Variants in CUBN observed in about 807,000 individuals in gnomAD.
CUBN encodes 460 kDa receptor.
A neutral mutation model predicts 405.3 loss-of-function variants in CUBN; 282 were observed. The ratio of observed to expected loss-of-function variants is 0.70; its 90% confidence interval spans 0.63 to 0.77. CUBN has a LOEUF of 0.77. Ranked by LOEUF, CUBN falls within the 30% of genes least tolerant of loss-of-function variation. The probability of loss-of-function intolerance (pLI) is 0.00; values close to 1 mark genes in which losing one functional copy is unlikely to be tolerated. For missense variants in CUBN, 4,514 were observed against 4,475.2 expected, an observed-to-expected ratio of 1.01 and a Z score of -0.25; for synonymous variants, 1,684 against 1,617.0, an observed-to-expected ratio of 1.04 and a Z score of -0.99.
rs558699402 is a variant in CUBN, at chr10:16,901,058, C to T, written c.8185-208G>A. 2.2e-4 allele frequency among the ~76,000 whole-genome samples: 33 copies of T among 152,168 alleles called. No individual in the cohort carries two copies. The South Asian group carries it at 6.0e-3, about 28-fold the overall frequency. On this transcript the variant is annotated intron_variant, in intron 52 of 66. Transcript: ENST00000377833. The stretch of plus-strand genomic sequence containing the variant: ...AAGACATTTCCCTGGTTTGGGATGG[C>T]AACACATATTAAGAAACTGAATACA...
intron 27 of CUBN, among the ~76,000 whole-genome samples, chr10:17,032,265 G>C (rs779882626): frequency 1.1e-4 from 17 of 152,082 alleles, no homozygotes; most frequent in Non-Finnish European, 2.4e-4. Context: ...ATTTCCTGAG[G>C]ACTCAATATT....
chr10:16,824,888 T>A lies in CUBN; in HGVS notation c.*87A>T, dbSNP rs1838728191. ...CAAGTTCAGCTTATTCTCTGTGGCATCAGCAGGGGTCATGTATCAGGATGG... is the reference window on the plus strand; with the variant it reads ...CAAGTTCAGCTTATTCTCTGTGGCAACAGCAGGGGTCATGTATCAGGATGG... On this transcript the variant is annotated 3_prime_UTR_variant, in exon 67 of 67. Coordinates refer to ENST00000377833, the MANE Select transcript of CUBN (RefSeq NM_001081.4). 4 of 887,170 alleles carry A rather than the reference T, an allele frequency of 4.5e-6. No homozygotes were observed. The highest frequency in any genetic ancestry group is 7.5e-6 in the Non-Finnish European group (4 of 530,352). The allele number at this position is 887,170 out of a possible 1,614,324, so 55.0% of individuals were successfully genotyped here. A position where few individuals can be genotyped will look rare whatever the true frequency, so the allele number is the denominator to read the frequency against.
chr10:17,073,523 C>T (rs191673691), intron 17 of CUBN, among the ~76,000 whole-genome samples: 12 of 150,254 alleles, frequency 8.0e-5, no homozygotes, highest in African/African-American at 2.7e-4. Context: ...CTCAGTTCAC[C>T]GCAACCTCTG....
chr10:17,103,247 A>G lies in CUBN; in HGVS notation c.1418-10T>C. The G allele has an allele frequency of 6.5e-7, 1 of 1,537,576 alleles. No homozygotes were observed. The highest frequency in any genetic ancestry group is 9.0e-7 in the Non-Finnish European group (1 of 1,110,258). On this transcript the variant is annotated splice_polypyrimidine_tract_variant and intron_variant, in intron 12 of 66. Transcript: ENST00000377833. ...AGGGACTCTCCACAAACTGCAAAGG[A>G]AAAGATGAACTGTGCTTTTCAGAGG...
At chr10:16,848,065 A>T (rs990538110) in intron 60 of CUBN, among the ~76,000 whole-genome samples, 3 of 152,158 alleles carry the variant, frequency 2.0e-5, no homozygotes, top group Non-Finnish European at 4.4e-5. Flanking sequence ...AAACAAGAAT[A>T]GTTCTGAACA....
At chr10:17,012,429 A>G (rs1205560845) in intron 28 of CUBN, among the ~76,000 whole-genome samples, 6 of 152,224 alleles carry the variant, frequency 3.9e-5, no homozygotes, top group Non-Finnish European at 1.5e-5. Flanking sequence ...CTCCTTTCTC[A>G]GCAGTGAGGA....
rs1017834524 is a variant in CUBN at position 16,939,075 on chromosome 10, T to C, written c.5621A>G (p.His1874Arg). 2.9e-5 allele frequency: 46 copies of C among 1,613,840 alleles called. No individual in the cohort carries two copies. Among genetic ancestry groups the C allele is most frequent in the Non-Finnish European group, 3.7e-5 (44 of 1,179,838 alleles). ...TACTGTCCATTGGTAATTGGAGTTATGTGGGTAGTTTTCAGGCCAGAAAGG... is the reference window on the plus strand; with the variant it reads ...TACTGTCCATTGGTAATTGGAGTTACGTGGGTAGTTTTCAGGCCAGAAAGG... ...ASPFWPENYP[H>R]NSNYQWTVNV... is the part of the protein sequence containing the mutation. Residue 1874 changes from histidine (H) to arginine (R), a missense_variant, in exon 38 of 67, where the codon CAT becomes CGT. By Grantham distance (29) the His-to-Arg change is conservative. This residue lies in a region of CUBN where 1,613 missense variants were observed against 1,542.8 expected (regional missense o/e 1.05). Coordinates refer to ENST00000377833, the MANE Select transcript of CUBN (RefSeq NM_001081.4).
intron 28 of CUBN, among the ~76,000 whole-genome samples, chr10:16,996,057 A>G (rs1201811110): frequency 6.6e-6 from 1 of 152,064 alleles, no homozygotes. Flanking sequence ...TCTCTCCCCC[A>G]TGCCTTGCCG....
chr10:17,013,882 G>C (rs1834255114), intron 28 of CUBN, among the ~76,000 whole-genome samples: 1 of 152,176 alleles, frequency 6.6e-6, no homozygotes, highest in Admixed American at 6.5e-5. Flanking sequence ...ATAGGTTAAG[G>C]TCAGGATTAG....
intron 44 of CUBN, among the ~76,000 whole-genome samples, chr10:16,919,652 C>A (rs1841978152): frequency 6.6e-6 from 1 of 152,150 alleles, no homozygotes; most frequent in African/African-American, 2.4e-5. Flanking sequence ...AATAAATATT[C>A]ATCTATCAGA....
intron 7 of CUBN, 123 bp from the exon 8 acceptor site, chr10:17,114,312 C>A: frequency 1.1e-6 from 1 of 944,036 alleles, no homozygotes; most frequent in Non-Finnish European, 1.7e-6. Flanking sequence ...GGCCAATCCA[C>A]TGGCTTCTCT....
At chr10:17,087,466 CTTTTTCTTTTTTTT>C (rs1297074866) in intron 15 of CUBN, among the ~76,000 whole-genome samples, 4 of 79,772 alleles carry the variant, frequency 5.0e-5, no homozygotes, top group Non-Finnish European at 9.2e-5. Flanking sequence ...TATTATTTTT[CTTTTTCTTTTTTTT>C]TTTTTTTTTT....
In CUBN at chr10:16,870,953, A is replaced by C. The variant is rs531693734; in HGVS notation, c.9237-1100T>G. ...TACTTTAGAGTTTTGTGGTGGGTTTATTATAGCTTATTTTTAAAACTTGTT... is the reference window on the plus strand; with the variant it reads ...TACTTTAGAGTTTTGTGGTGGGTTTCTTATAGCTTATTTTTAAAACTTGTT... On this transcript the variant is annotated intron_variant, in intron 58 of 66. Transcript: ENST00000377833. Among the ~76,000 whole-genome samples, 4 of 152,188 alleles carry C rather than the reference A, an allele frequency of 2.6e-5. No individual in the cohort carries two copies. In the South Asian group the frequency reaches 8.3e-4, roughly 32 times the overall value.
intron 27 of CUBN, among the ~76,000 whole-genome samples, chr10:17,034,122 T>G (rs1834838909): frequency 6.6e-6 from 1 of 152,088 alleles, no homozygotes; most frequent in Admixed American, 6.6e-5. Context: ...TGGAGGGAAA[T>G]GCCTTTGACT....
Position 17,084,447 on chromosome 10 carries a change from C to T in CUBN, c.2125G>A (p.Gly709Ser). ...CCCTCTGGGTCCGTGTAGTTCCCACCACAACGCAGATCCGCTAAGAACAGG... is the reference window on the plus strand; with the variant it reads ...CCCTCTGGGTCCGTGTAGTTCCCACTACAACGCAGATCCGCTAAGAACAGG... ...YLTSPSDLRC[G>S]GNYTDPEGEL... is the part of the protein sequence containing the mutation. The change falls in exon 17 of 67, where the codon GGT becomes AGT. Residue 709 changes from glycine to serine, a missense_variant. By Grantham distance (56) the Gly-to-Ser change is moderately conservative. Around this residue, in one of 5 missense-constraint regions of CUBN, gnomAD observed 1,448 missense variants for 1,388.0 expected, o/e 1.04. Transcript: ENST00000377833. 1 of 1,613,344 alleles carries T rather than the reference C, an allele frequency of 6.2e-7. No individual in the cohort carries two copies. The highest frequency in any genetic ancestry group is 8.5e-7 in the Non-Finnish European group (1 of 1,179,828).
intron 36 of CUBN, 90 bp from the exon 37 acceptor site, chr10:16,940,327 A>G (rs919502873): frequency 3.4e-6 from 4 of 1,193,660 alleles, no homozygotes; most frequent in African/African-American, 3.0e-5. Flanking sequence ...TAACCCGTTC[A>G]CTTTTTTAAA....
chr10:17,078,459 C>T (rs1835897992), intron 17 of CUBN, among the ~76,000 whole-genome samples: 1 of 152,206 alleles, frequency 6.6e-6, no homozygotes, highest in African/African-American at 2.4e-5. Context: ...TACAAAGACC[C>T]TTGAGAAGCA....
intron 22 of CUBN, among the ~76,000 whole-genome samples, chr10:17,065,133 C>A (rs35076405): frequency 0.017 from 2,320 of 134,332 alleles, 47 homozygotes; most frequent in Non-Finnish European, 0.024. Flanking sequence ...TCTCTCTCCC[C>A]CCCCCCCCAC....
rs1247365974 is a variant in CUBN at position 16,970,516 on chromosome 10, C to T, written c.4695+11968G>A. 6.1e-5 allele frequency among the ~76,000 whole-genome samples: 9 copies of T among 146,736 alleles called. No homozygotes were observed. In the Admixed American group the frequency reaches 6.2e-4, roughly 10 times the overall value. On this transcript the variant is annotated intron_variant, in intron 31 of 66. Coordinates refer to ENST00000377833, the MANE Select transcript of CUBN (RefSeq NM_001081.4). ...GCTTGAACCTGGGAGGTGGAGGTCG[C>T]AGTGAGCTGAGATCACACCTTTGCA...
Sources: gnomAD v4.1 joint callset for allele counts (sites outside exome capture counted in the v4.1 genomes callset) on GRCh38, gnomAD v4.1.1 for gene constraint, gnomAD v4.1.1 regional missense constraint, MANE v1.5 for transcripts, NCBI Gene and HGNC (gene_info 2026-07-23, HGNC 2026-07-21) for gene names.